Variants in LIMD1 observed in about 807,000 individuals in gnomAD.
The protein encoded by LIMD1 is LIM domain-containing protein 1.
A neutral mutation model predicts 58.4 loss-of-function variants in LIMD1; 23 were observed. That is an observed-to-expected ratio of 0.39 (90% CI 0.28 to 0.56). The LOEUF (loss-of-function observed/expected upper bound fraction) is 0.56, where lower values mean the gene tolerates loss of function less well. Among genes scored for constraint, LIMD1 ranks in the 20% least tolerant of loss-of-function variants. The pLI is 0.57. For missense variants in LIMD1, 838 were observed against 855.5 expected, an observed-to-expected ratio of 0.98 and a Z score of 0.25; for synonymous variants, 334 against 345.5, an observed-to-expected ratio of 0.97 and a Z score of 0.37.
intron 2 of LIMD1, among the ~76,000 whole-genome samples, chr3:45,648,547 C>A (rs1701930147): frequency 6.6e-6 from 1 of 152,156 alleles, no homozygotes; most frequent in Non-Finnish European, 1.5e-5. Flanking sequence ...ATGAACATTC[C>A]TAGGCAGGTG....
intron 1 of LIMD1, among the ~76,000 whole-genome samples, chr3:45,618,759 C>T (rs969872428): frequency 6.6e-6 from 1 of 152,096 alleles, no homozygotes; most frequent in Non-Finnish European, 1.5e-5. Context: ...TGCCCGAGGT[C>T]AGATCTGAAC....
intron 1 of LIMD1, among the ~76,000 whole-genome samples, chr3:45,633,122 C>G (rs1701753092): frequency 6.6e-6 from 1 of 152,162 alleles, no homozygotes; most frequent in Non-Finnish European, 1.5e-5. Flanking sequence ...CAGTTTCATA[C>G]TGGTGGGGGC....
intron 1 of LIMD1, among the ~76,000 whole-genome samples, chr3:45,600,122 T>A (rs978431407): frequency 6.6e-6 from 1 of 152,168 alleles, no homozygotes; most frequent in Admixed American, 6.5e-5. Flanking sequence ...ACGCTACATT[T>A]GTTAAATAAT....
intron 2 of LIMD1, among the ~76,000 whole-genome samples, chr3:45,650,295 C>G (rs1455969619): frequency 6.6e-6 from 1 of 151,946 alleles, no homozygotes; most frequent in Non-Finnish European, 1.5e-5. Context: ...AGTGTATTCT[C>G]TTTTCTAAAA....
chr3:45,635,948 T>C, intron 1 of LIMD1: 3 of 985,060 alleles, frequency 3.0e-6, no homozygotes, highest in Non-Finnish European at 3.6e-6. Context: ...GGACCTAAAG[T>C]CCAGCCTGGT....
At chr3:45,653,923 A>AAAAG (rs1701999281) in intron 2 of LIMD1, among the ~76,000 whole-genome samples, 1 of 142,722 alleles carries the variant, frequency 7.0e-6, no homozygotes, top group African/African-American at 2.7e-5. Flanking sequence ...AAAAAAAAAA[A>AAAAG]AAAGAAAAAG....
chr3:45,635,732 CAAAAAAAAAA>C (rs71095045), intron 1 of LIMD1, among the ~76,000 whole-genome samples: 11 of 73,808 alleles, frequency 1.5e-4, no homozygotes, highest in African/African-American at 2.6e-4. Flanking sequence ...ATCCCCGTCT[CAAAAAAAAAA>C]AAAAAAAAAA....
At chr3:45,660,735 C>T (rs1348885209) in intron 2 of LIMD1, among the ~76,000 whole-genome samples, 1 of 152,116 alleles carries the variant, frequency 6.6e-6, no homozygotes, top group East Asian at 1.9e-4. Flanking sequence ...GTTTGTGTTC[C>T]TCGTCACCTT....
chr3:45,633,312 C>A (rs534145452), intron 1 of LIMD1, among the ~76,000 whole-genome samples: 12 of 152,214 alleles, frequency 7.9e-5, no homozygotes, highest in African/African-American at 2.9e-4. Flanking sequence ...TGGAAATATT[C>A]TATATCTTGA....
intron 1 of LIMD1, among the ~76,000 whole-genome samples, chr3:45,602,833 G>T (rs1311650118): frequency 6.7e-6 from 1 of 150,244 alleles, no homozygotes; most frequent in Admixed American, 6.6e-5. Flanking sequence ...TCGTTTTCAT[G>T]ACTTTTTTTT....
chr3:45,602,094 C>T (rs540935677), intron 1 of LIMD1, among the ~76,000 whole-genome samples: 159 of 152,274 alleles, frequency 1.0e-3, no homozygotes, highest in Non-Finnish European at 1.9e-3. Context: ...AGGCGCCCGC[C>T]ACCACGCCCA....
chr3:45,619,551 C>T (rs1701610406), intron 1 of LIMD1, among the ~76,000 whole-genome samples: 1 of 152,138 alleles, frequency 6.6e-6, no homozygotes, highest in Non-Finnish European at 1.5e-5. Context: ...GTAATCCCAG[C>T]ACTTTGGGAG....
At chr3:45,661,200 T>C (rs1326649687) in intron 2 of LIMD1, among the ~76,000 whole-genome samples, 1 of 152,180 alleles carries the variant, frequency 6.6e-6, no homozygotes, top group Non-Finnish European at 1.5e-5. Context: ...AAATAATGCA[T>C]AATTATTGCA....
At chr3:45,672,632 C>G in intron 4 of LIMD1, 58 bp from the exon 5 acceptor site, 1 of 1,590,080 alleles carries the variant, frequency 6.3e-7, no homozygotes, top group Non-Finnish European at 8.6e-7. Context: ...TGTTCCTCTC[C>G]CCTTCCACCA....
At chr3:45,639,287 G>T (rs1452521783) in intron 2 of LIMD1, among the ~76,000 whole-genome samples, 1 of 152,158 alleles carries the variant, frequency 6.6e-6, no homozygotes, top group Non-Finnish European at 1.5e-5. Flanking sequence ...TCAGGAAAAA[G>T]AAAATAAATA....
intron 7 of LIMD1, among the ~76,000 whole-genome samples, chr3:45,674,736 G>T (rs577091197): frequency 2.0e-5 from 3 of 152,290 alleles, no homozygotes; most frequent in African/African-American, 7.2e-5. Context: ...TGTCAGGCAG[G>T]TGTGCGATTT....
At chr3:45,614,694 G>C (rs1167313929) in intron 1 of LIMD1, among the ~76,000 whole-genome samples, 1 of 151,216 alleles carries the variant, frequency 6.6e-6, no homozygotes, top group Non-Finnish European at 1.5e-5. Context: ...CTGCATTCCA[G>C]CCTGGGCAAC....
chr3:45,674,039 A>G (rs1697633504), intron 6 of LIMD1: 1 of 343,076 alleles, frequency 2.9e-6, no homozygotes, highest in South Asian at 5.2e-5. Flanking sequence ...ACTAATTCTT[A>G]GATTAGCAGA....
At chr3:45,649,783 A>AAT (rs1426112824) in intron 2 of LIMD1, among the ~76,000 whole-genome samples, 1 of 145,546 alleles carries the variant, frequency 6.9e-6, no homozygotes, top group Non-Finnish European at 1.5e-5. Flanking sequence ...ATATATATAA[A>AAT]ATATATATAT....
Sources: gnomAD v4.1 joint callset for allele counts (sites outside exome capture counted in the v4.1 genomes callset) on GRCh38, gnomAD v4.1.1 for gene constraint, MANE v1.5 for transcripts, NCBI Gene and HGNC (gene_info 2026-07-23, HGNC 2026-07-21) for gene names.